EPB41: variants seen among roughly 807,000 people sequenced by gnomAD.
EPB41 encodes the protein erythrocyte membrane protein band 4.1.
A neutral mutation model predicts 108.0 loss-of-function variants in EPB41; 65 were observed. The observed-to-expected ratio is 0.60, with a 90% CI of 0.49 to 0.74. The LOEUF is 0.74. Ranked by LOEUF, EPB41 falls within the 30% of genes least tolerant of loss-of-function variation. The pLI is 0.00. For synonymous variants in EPB41, 336 were observed against 358.9 expected (o/e 0.94, Z 0.72); for missense variants, 875 against 1,037.0 (o/e 0.84, Z 2.15).
intron 1 of EPB41, among the ~76,000 whole-genome samples, chr1:28,971,507 T>C (rs994774891): frequency 1.3e-5 from 2 of 152,092 alleles, no homozygotes; most frequent in Admixed American, 1.3e-4. Flanking sequence ...TAAACAAAAT[T>C]TTAACACACT....
chr1:28,963,166 A>G (rs2095267357), intron 1 of EPB41, among the ~76,000 whole-genome samples: 1 of 152,132 alleles, frequency 6.6e-6, no homozygotes, highest in Non-Finnish European at 1.5e-5. Context: ...TTTTTTATAT[A>G]TACATATAAA....
rs953686715 is a variant in EPB41, at chr1:29,058,402, G to A, written c.1846-187G>A. On this transcript the variant is annotated intron_variant, in intron 12 of 20. Coordinates refer to ENST00000343067, the MANE Select transcript of EPB41 (RefSeq NM_001376013.1). ...ACCTTTTCAGCCTTGAAAATGTGAT[G>A]GTAAACACAGATGACTTTTGGGAGT... Among the ~76,000 whole-genome samples the A allele has an allele frequency of 2.6e-5, 4 of 152,080 alleles. No homozygotes were observed. The East Asian group carries it at 7.7e-4, about 29-fold the overall frequency.
chr1:28,988,842 A>T (rs1199576715), intron 2 of EPB41, among the ~76,000 whole-genome samples: 1 of 152,216 alleles, frequency 6.6e-6, no homozygotes, highest in African/African-American at 2.4e-5. Context: ...GTGTACCACC[A>T]TGCCTGTCCA....
rs1350783146 is a variant in EPB41 at position 28,887,582 on chromosome 1, G to T, written c.-8+372G>T. 7.1e-6 allele frequency: 7 copies of T among 985,046 alleles called. No individual in the cohort carries two copies. The highest frequency in any genetic ancestry group is 4.7e-5 in the South Asian group (1 of 21,290). The allele number at this position is 985,046 out of a possible 1,614,324, so 61.0% of individuals were successfully genotyped here. A position where few individuals can be genotyped will look rare whatever the true frequency, so the allele number is the denominator to read the frequency against. On this transcript the variant is annotated intron_variant, in intron 1 of 16. Coordinates refer to the EPB41 transcript ENST00000347529. The surrounding 1 kb of genome is among the most constrained non-coding windows in gnomAD (Gnocchi z 4.9). The stretch of plus-strand genomic sequence containing the variant: ...CAGCCCCCGGCCGCCCCCTAGCCCC[G>T]CCTTGCCCGGCCCCGCATGCTCCTG...
chr1:28,962,758 C>T (rs968003432), intron 1 of EPB41, among the ~76,000 whole-genome samples: 1 of 152,018 alleles, frequency 6.6e-6, no homozygotes, highest in Non-Finnish European at 1.5e-5. Flanking sequence ...GAATCCAAAC[C>T]CCATTGCCCC....
intron 4 of EPB41, among the ~76,000 whole-genome samples, chr1:28,997,761 A>G (rs1350218261): frequency 6.6e-6 from 1 of 152,088 alleles, no homozygotes; most frequent in African/African-American, 2.4e-5. Flanking sequence ...AAGCAACATT[A>G]TGAAACAGAA....
At position 29,056,774 on chromosome 1, in the gene EPB41, C is replaced by T. The variant is rs538453882; in HGVS notation, c.1846-1815C>T. Among the ~76,000 whole-genome samples, 50 of 152,192 alleles carry T rather than the reference C, an allele frequency of 3.3e-4. 1 individual carries two copies. The highest frequency in any genetic ancestry group is 7.4e-5 in the Non-Finnish European group (5 of 68,010). On this transcript the variant is annotated intron_variant, in intron 12 of 20. Coordinates refer to ENST00000343067, the MANE Select transcript of EPB41 (RefSeq NM_001376013.1). ...CTCCTGATCTCAGGTGATCCGCCCACCTCGGCCTCCCAAAGTGCTGAGATT... is the reference window on the plus strand; with the variant it reads ...CTCCTGATCTCAGGTGATCCGCCCATCTCGGCCTCCCAAAGTGCTGAGATT...
intron 11 of EPB41, among the ~76,000 whole-genome samples, chr1:29,045,783 G>A (rs1642978591): frequency 7.3e-6 from 1 of 136,728 alleles, no homozygotes; most frequent in Non-Finnish European, 1.5e-5. Context: ...GACCAGCCTG[G>A]GCAACATGGC....
intron 1 of EPB41, among the ~76,000 whole-genome samples, chr1:28,944,622 C>T (rs866959344): frequency 8.0e-5 from 12 of 150,416 alleles, no homozygotes; most frequent in Admixed American, 2.0e-4. Flanking sequence ...CTTCAACCTC[C>T]GCCTCCTGGG....
At chr1:29,012,765 C>T (rs1231794519) in intron 5 of EPB41, among the ~76,000 whole-genome samples, 1 of 152,020 alleles carries the variant, frequency 6.6e-6, no homozygotes, top group Admixed American at 6.6e-5. Flanking sequence ...TTCTTTAGAC[C>T]CTATTTGTAA....
intron 1 of EPB41, among the ~76,000 whole-genome samples, chr1:28,948,132 G>C (rs1425344273): frequency 6.6e-6 from 1 of 152,020 alleles, no homozygotes; most frequent in African/African-American, 2.4e-5. Context: ...TTCAAGAAAA[G>C]TTTGAAACAT....
chr1:28,907,253 C>T (rs113531191), intron 1 of EPB41, among the ~76,000 whole-genome samples: 1 of 151,618 alleles, frequency 6.6e-6, no homozygotes, highest in African/African-American at 2.4e-5. Flanking sequence ...TTAGTAGAGA[C>T]ATGGTTTCCC....
intron 16 of EPB41, among the ~76,000 whole-genome samples, chr1:29,094,781 G>T (rs1293534590): frequency 6.6e-6 from 1 of 151,980 alleles, no homozygotes; most frequent in Non-Finnish European, 1.5e-5. Context: ...TACTGGGATG[G>T]TATCTTCTCT....
At chr1:28,952,315 C>A (rs2094765346) in intron 1 of EPB41, among the ~76,000 whole-genome samples, 1 of 151,826 alleles carries the variant, frequency 6.6e-6, no homozygotes, top group African/African-American at 2.4e-5. Flanking sequence ...ATCACTAGGT[C>A]AGGAGTTCAA....
chr1:29,102,440 A>G (rs905634241), intron 17 of EPB41, among the ~76,000 whole-genome samples: 7 of 152,212 alleles, frequency 4.6e-5, no homozygotes, highest in African/African-American at 1.7e-4. Context: ...CAAAAAACCA[A>G]CAACCAAAAC....
intron 16 of EPB41, chr1:29,072,858 C>A (rs1652081865): frequency 1.3e-5 from 2 of 152,216 alleles, no homozygotes; most frequent in South Asian, 4.1e-4. Context: ...CACCTGTAAT[C>A]CCAGCACTTT....
At chr1:29,029,793 T>C (rs1572730672) in intron 7 of EPB41, among the ~76,000 whole-genome samples, 1 of 152,326 alleles carries the variant, frequency 6.6e-6, no homozygotes, top group East Asian at 1.9e-4. Flanking sequence ...CCCCATTATC[T>C]ATGTGCTTCC....
intron 1 of EPB41, among the ~76,000 whole-genome samples, chr1:28,923,602 C>T (rs1570657121): frequency 6.6e-6 from 1 of 151,864 alleles, no homozygotes; most frequent in East Asian, 1.9e-4. Context: ...TTTTTTTCTC[C>T]AGATGCTATT....
At chr1:29,026,949 A>G (rs1210564080) in intron 7 of EPB41, among the ~76,000 whole-genome samples, 2 of 151,630 alleles carry the variant, frequency 1.3e-5, no homozygotes, top group Non-Finnish European at 2.9e-5. Context: ...AAAATTAGCC[A>G]GGCATGGTGG....
Sources: allele counts gnomAD v4.1 joint callset (sites outside exome capture counted in the v4.1 genomes callset), GRCh38; gene constraint gnomAD v4.1.1; non-coding constraint Gnocchi (gnomAD v3.1); transcripts MANE v1.5; gene names NCBI Gene and HGNC (gene_info 2026-07-23, HGNC 2026-07-21).